Variants in STYXL1 observed in about 807,000 individuals in gnomAD.
The protein encoded by STYXL1 is serine/threonine/tyrosine-interacting-like protein 1.
A neutral mutation model predicts 36.4 loss-of-function variants in STYXL1; 32 were observed. The observed-to-expected ratio is 0.88, with a 90% CI of 0.66 to 1.18. STYXL1 has a LOEUF of 1.18. Ranked by LOEUF, STYXL1 falls within the 50% of genes most tolerant of loss-of-function variation. The probability of loss-of-function intolerance (pLI) is 0.00; values close to 1 mark genes in which losing one functional copy is unlikely to be tolerated. For missense variants in STYXL1, 354 were observed against 394.1 expected, an observed-to-expected ratio of 0.90 and a Z score of 0.86; for synonymous variants, 133 against 144.1, an observed-to-expected ratio of 0.92 and a Z score of 0.55.
At chr7:75,997,852 T>C (rs2116706118) in intron 8 of STYXL1, among the ~76,000 whole-genome samples, 1 of 152,170 alleles carries the variant, frequency 6.6e-6, no homozygotes, top group East Asian at 1.9e-4. Context: ...ACAATTCCAT[T>C]TACAGTAGCA....
At chr7:76,023,635 G>T (rs782427264) in intron 3 of STYXL1, among the ~76,000 whole-genome samples, 20 of 152,206 alleles carry the variant, frequency 1.3e-4, no homozygotes, top group Admixed American at 5.2e-4. Flanking sequence ...TCTGAGGTGA[G>T]AGGATCACTT....
In STYXL1 at chr7:76,037,376, G is replaced by T. The variant is rs1459059203; in HGVS notation, c.-4-6849C>A. ...TGGCCTTCAAACCAGGGGTTCGTGG[G>T]TGGCTCTCTCCCCAAGTCAGCCCAG... On this transcript the variant is annotated intron_variant, in intron 1 of 8. Transcript: ENST00000359697. 2.7e-5 allele frequency among the ~76,000 whole-genome samples: 4 copies of T among 150,302 alleles called. No individual in the cohort carries two copies. In the East Asian group the frequency reaches 5.8e-4, roughly 22 times the overall value.
chr7:75,999,551 G>GTGTGTGTGTATA (rs1421403301), intron 8 of STYXL1, among the ~76,000 whole-genome samples: 9 of 80,058 alleles, frequency 1.1e-4, no homozygotes, highest in African/African-American at 4.1e-5. Context: ...GTGTGTGTGT[G>GTGTGTGTGTATA]TATATTTTTT....
At chr7:76,041,004 C>G (rs569855594) in intron 1 of STYXL1, among the ~76,000 whole-genome samples, 1 of 151,596 alleles carries the variant, frequency 6.6e-6, no homozygotes, top group Non-Finnish European at 1.5e-5. Context: ...CTTTCTAACC[C>G]TTTGTTTTAG....
At position 76,005,958 on chromosome 7, in the gene STYXL1, T is replaced by C. The variant is rs1791710548; in HGVS notation, c.454-554A>G. Among the ~76,000 whole-genome samples the C allele has an allele frequency of 2.0e-5, 3 of 151,708 alleles. No homozygotes were observed. The South Asian group carries it at 6.2e-4, about 32-fold the overall frequency. On this transcript the variant is annotated intron_variant, in intron 5 of 8. Transcript: ENST00000359697. ...GAGGAGGAGAGAGGAGGTTTCATCA[T>C]GTTGGCCAGGCTGGTCTTGAACTCC...
chr7:76,017,184 A>G (rs1194283279), intron 4 of STYXL1, among the ~76,000 whole-genome samples: 2 of 151,924 alleles, frequency 1.3e-5, no homozygotes, highest in African/African-American at 4.8e-5. Context: ...CACCATGCCC[A>G]GCTAATTTTT....
At chr7:76,018,437 C>A (rs527504550) in intron 4 of STYXL1, among the ~76,000 whole-genome samples, 1 of 151,592 alleles carries the variant, frequency 6.6e-6, no homozygotes, top group African/African-American at 2.4e-5. Context: ...GTTGTCCAGG[C>A]TAGAGTACAA....
intron 3 of STYXL1, among the ~76,000 whole-genome samples, chr7:76,025,191 G>T (rs1316009021): frequency 3.3e-5 from 5 of 150,676 alleles, no homozygotes; most frequent in African/African-American, 1.2e-4. Context: ...CTAGGGCTGG[G>T]AATGCCCTGA....
chr7:76,043,621 G>A (rs1554582722), intron 1 of STYXL1, among the ~76,000 whole-genome samples: 3 of 152,160 alleles, frequency 2.0e-5, no homozygotes, highest in African/African-American at 7.2e-5. Context: ...CACTGCATGG[G>A]AGAGTCAGTT....
At chr7:76,011,750 G>A (rs1327390621) in intron 5 of STYXL1, among the ~76,000 whole-genome samples, 1 of 152,172 alleles carries the variant, frequency 6.6e-6, no homozygotes, top group African/African-American at 2.4e-5. Flanking sequence ...ACTCCACCCA[G>A]TTCTCTTCCT....
At chr7:75,999,509 G>GTA (rs1308689303) in intron 8 of STYXL1, among the ~76,000 whole-genome samples, 2,040 of 102,170 alleles carry the variant, frequency 0.02, 57 homozygotes, top group African/African-American at 0.053. Context: ...GTGTGTGTGT[G>GTA]TATGTGTGTG....
chr7:76,010,827 A>C (rs1792460801), intron 5 of STYXL1, among the ~76,000 whole-genome samples: 1 of 152,142 alleles, frequency 6.6e-6, no homozygotes, highest in Non-Finnish European at 1.5e-5. Context: ...GCATGGGAAG[A>C]GATGAGACTT....
chr7:76,000,753 G>T, intron 8 of STYXL1, 137 bp downstream of exon 8: 1 of 694,752 alleles, frequency 1.4e-6, no homozygotes, highest in East Asian at 2.7e-5. Flanking sequence ...ACGCGGACTG[G>T]GGAGCACCCT....
intron 1 of STYXL1, among the ~76,000 whole-genome samples, chr7:76,046,145 G>A (rs1796935280): frequency 6.6e-6 from 1 of 151,816 alleles, no homozygotes; most frequent in African/African-American, 2.4e-5. Context: ...ATTTCCCATT[G>A]TTAAATGCTC....
chr7:75,999,792 C>T (rs994297052), intron 8 of STYXL1, among the ~76,000 whole-genome samples: 5 of 151,998 alleles, frequency 3.3e-5, no homozygotes, highest in Admixed American at 6.6e-5. Flanking sequence ...GTGATCTGCC[C>T]GCCTCGGCCT....
At chr7:76,032,559 G>C (rs1250058673) in intron 1 of STYXL1, among the ~76,000 whole-genome samples, 1 of 151,820 alleles carries the variant, frequency 6.6e-6, no homozygotes, top group Non-Finnish European at 1.5e-5. Context: ...AAAATTAGCT[G>C]GGTGTGGTGG....
At chr7:76,000,589 G>T in intron 8 of STYXL1, 1 of 514,632 alleles carries the variant, frequency 1.9e-6, no homozygotes, top group East Asian at 5.2e-5. Context: ...ACTCCAAGCA[G>T]TTCTCCCTTG....
intron 7 of STYXL1, among the ~76,000 whole-genome samples, chr7:76,001,314 C>T (rs749557220): frequency 1.3e-5 from 2 of 152,296 alleles, no homozygotes; most frequent in South Asian, 2.1e-4. Flanking sequence ...CAGTATGGGG[C>T]GGACAGGACC....
At chr7:76,046,946 T>C (rs1408098825) in intron 1 of STYXL1, among the ~76,000 whole-genome samples, 4 of 149,526 alleles carry the variant, frequency 2.7e-5, no homozygotes, top group African/African-American at 9.8e-5. Flanking sequence ...CCACCTTGCC[T>C]GGGGGTGTTG....
Sources: allele counts gnomAD v4.1 joint callset (sites outside exome capture counted in the v4.1 genomes callset), GRCh38; gene constraint gnomAD v4.1.1; transcripts MANE v1.5; gene names NCBI Gene and HGNC (gene_info 2026-07-23, HGNC 2026-07-21).